Variants in SREBF2 observed in about 807,000 individuals in gnomAD.
SREBF2 encodes sterol regulatory element binding transcription factor 2, also known as sterol regulatory element-binding protein 2.
Under a neutral mutation model 113.1 loss-of-function variants are expected in SREBF2, and 55 were observed. That is an observed-to-expected ratio of 0.49 (90% CI 0.39 to 0.61). The LOEUF (loss-of-function observed/expected upper bound fraction) is 0.61, where lower values mean the gene tolerates loss of function less well. SREBF2 is among the 20% of genes least tolerant of loss of function. The pLI is 0.00. For missense variants in SREBF2, 1,349 were observed against 1,487.4 expected (o/e 0.91, Z 1.53); for synonymous variants, 593 against 605.7 (o/e 0.98, Z 0.31).
chr22:41,885,051 G>GC (rs753209559), intron 11 of SREBF2, 40 bp downstream of exon 11: 1 of 1,610,908 alleles, frequency 6.2e-7, no homozygotes, highest in Non-Finnish European at 8.5e-7. Flanking sequence ...CCTCCCCTGA[G>GC]CACTTACCTA....
chr22:41,896,334 CTT>C (rs1389142676), intron 13 of SREBF2, among the ~76,000 whole-genome samples: 1 of 151,970 alleles, frequency 6.6e-6, no homozygotes, highest in Non-Finnish European at 1.5e-5. Flanking sequence ...GCCAAAGTCA[CTT>C]TTGTTTTTTG....
chr22:41,861,765 A>T (rs1004690435), intron 1 of SREBF2, among the ~76,000 whole-genome samples: 2 of 152,062 alleles, frequency 1.3e-5, no homozygotes, highest in Non-Finnish European at 2.9e-5. Flanking sequence ...TCTACTAAAA[A>T]TACAAAAATT....
chr22:41,880,874 A>T lies in SREBF2; in HGVS notation c.1920A>T (p.Lys640Asn), dbSNP rs1267585834. The stretch of plus-strand genomic sequence containing the variant: ...GCCTGGTGCGCTGGCTGCTCAAGAA[A>T]GTCTTCCAGTGCCGGCGGGCCACGC... ...KLRLVRWLLK[K>N]VFQCRRATPA... Residue 640 changes from lysine to asparagine, a missense_variant, in exon 10 of 19, where the codon AAA (lysine) becomes AAT (asparagine). This residue lies in a region of SREBF2 where 699 missense variants were observed against 843.3 expected (regional missense o/e 0.83). Coordinates refer to ENST00000361204, the MANE Select transcript of SREBF2 (RefSeq NM_004599.4). The T allele has an allele frequency of 6.2e-7, 1 of 1,613,720 alleles. No individual in the cohort carries two copies. The highest frequency in any genetic ancestry group is 1.3e-5 in the African/African-American group (1 of 74,942).
chr22:41,899,697 C>A (rs778344430), intron 15 of SREBF2: 52 of 566,890 alleles, frequency 9.2e-5, no homozygotes, highest in Non-Finnish European at 1.2e-4. Context: ...GTGTCTCCCC[C>A]AGTCGATGTG....
In SREBF2 at chr22:41,877,933, CCTT is replaced by C; in HGVS notation, c.1580-5_1580-3del. 6.2e-7 allele frequency: 1 copy of C among 1,614,198 alleles called. No individual in the cohort carries two copies. The highest frequency in any genetic ancestry group is 8.5e-7 in the Non-Finnish European group (1 of 1,180,044). On this transcript the variant is annotated splice_polypyrimidine_tract_variant and splice_region_variant and intron_variant, in intron 8 of 18. Coordinates refer to ENST00000361204, the MANE Select transcript of SREBF2 (RefSeq NM_004599.4). Reference sequence around the variant, plus strand: ...TCCTAGCAGACTCTGCTGAGACGCTCCTTCTTAGGTTCTGGGGGCTGGTTTGAC... The same window carrying C: ...TCCTAGCAGACTCTGCTGAGACGCTCCTTAGGTTCTGGGGGCTGGTTTGAC...
chr22:41,870,121 T>A (rs1024689004), intron 3 of SREBF2, among the ~76,000 whole-genome samples: 3 of 152,224 alleles, frequency 2.0e-5, no homozygotes, highest in African/African-American at 7.2e-5. Flanking sequence ...CCCAAAGTGC[T>A]GGGATTACAA....
chr22:41,903,503 C>T (rs2077481735), intron 17 of SREBF2, among the ~76,000 whole-genome samples: 1 of 152,174 alleles, frequency 6.6e-6, no homozygotes, highest in Non-Finnish European at 1.5e-5. Context: ...GGGCTCCTGG[C>T]CTGGTCCCGA....
chr22:41,851,746 C>T (rs1010942458), intron 1 of SREBF2, among the ~76,000 whole-genome samples: 9 of 151,888 alleles, frequency 5.9e-5, no homozygotes, highest in East Asian at 3.9e-4. Context: ...CCACCCGCCT[C>T]GGCCTCCCAA....
At chr22:41,834,761 T>TC (rs1211446807) in intron 1 of SREBF2, 1 of 152,262 alleles carries the variant, frequency 6.6e-6, no homozygotes, top group African/African-American at 2.4e-5. Context: ...AACCACAGAC[T>TC]CTTTGCTAAG....
intron 12 of SREBF2, 148 bp downstream of exon 12, chr22:41,893,433 C>T: frequency 2.1e-6 from 2 of 950,648 alleles, no homozygotes; most frequent in Non-Finnish European, 1.6e-6. Flanking sequence ...TTTGTTTGAA[C>T]CAAAGCTCAG....
chr22:41,865,381 G>C (rs1190817959), intron 1 of SREBF2, among the ~76,000 whole-genome samples: 1 of 152,190 alleles, frequency 6.6e-6, no homozygotes, highest in African/African-American at 2.4e-5. Flanking sequence ...AAAGAGAAAA[G>C]AATATGGACA....
At chr22:41,850,939 C>G (rs2076922961) in intron 1 of SREBF2, among the ~76,000 whole-genome samples, 1 of 152,124 alleles carries the variant, frequency 6.6e-6, no homozygotes, top group Non-Finnish European at 1.5e-5. Flanking sequence ...TGGGGTTTCA[C>G]CATGTTGGCC....
At chr22:41,892,313 C>G (rs1278470985) in intron 11 of SREBF2, among the ~76,000 whole-genome samples, 1 of 152,176 alleles carries the variant, frequency 6.6e-6, no homozygotes. Flanking sequence ...TTAGTCAAAG[C>G]AGAATAATTT....
intron 4 of SREBF2, among the ~76,000 whole-genome samples, chr22:41,871,261 A>G (rs1348291842): frequency 1.3e-5 from 2 of 152,218 alleles, no homozygotes; most frequent in Non-Finnish European, 2.9e-5. Flanking sequence ...GTAGAAAAGA[A>G]TAGCAGAAGG....
At chr22:41,870,249 C>G (rs2077127164) in intron 3 of SREBF2, among the ~76,000 whole-genome samples, 1 of 152,214 alleles carries the variant, frequency 6.6e-6, no homozygotes, top group Admixed American at 6.5e-5. Context: ...TTTCTCTCCT[C>G]TCTGCCATCC....
intron 1 of SREBF2, among the ~76,000 whole-genome samples, chr22:41,840,272 C>T (rs986416005): frequency 6.6e-6 from 1 of 152,146 alleles, no homozygotes; most frequent in African/African-American, 2.4e-5. Context: ...TGCTTAGTTT[C>T]TATGTTCCTG....
intron 11 of SREBF2, among the ~76,000 whole-genome samples, chr22:41,889,500 A>C (rs2077335065): frequency 6.6e-6 from 1 of 152,140 alleles, no homozygotes; most frequent in African/African-American, 2.4e-5. Flanking sequence ...TCATTTGAAA[A>C]AATCATATGT....
chr22:41,901,010 C>T (rs2077461101), intron 16 of SREBF2: 1 of 528,314 alleles, frequency 1.9e-6, no homozygotes, highest in Admixed American at 2.0e-5. Flanking sequence ...CAGTGCATCA[C>T]AGAGGCCTGC....
At chr22:41,835,497 A>G (rs1387363196) in intron 1 of SREBF2, among the ~76,000 whole-genome samples, 2 of 151,762 alleles carry the variant, frequency 1.3e-5, no homozygotes, top group Non-Finnish European at 2.9e-5. Context: ...TTTAGTAGAG[A>G]CAGGGTTTCT....
Sources: gnomAD v4.1 joint callset for allele counts (sites outside exome capture counted in the v4.1 genomes callset) on GRCh38, gnomAD v4.1.1 for gene constraint, gnomAD v4.1.1 regional missense constraint, MANE v1.5 for transcripts, NCBI Gene and HGNC (gene_info 2026-07-23, HGNC 2026-07-21) for gene names.